SP3: variants seen among roughly 807,000 people sequenced by gnomAD.
SP3 encodes the protein Sp3 transcription factor.
SP3 carries 10 observed loss-of-function variants against 70.3 expected under a neutral mutation model. The ratio of observed to expected loss-of-function variants is 0.14; its 90% CI spans 0.09 to 0.24. SP3 has a LOEUF of 0.24. SP3 is among the 10% of genes least tolerant of loss of function. The probability of loss-of-function intolerance (pLI) is 1.00; values close to 1 mark genes in which losing one functional copy is unlikely to be tolerated. For synonymous variants in SP3, 402 were observed against 333.5 expected, an observed-to-expected ratio of 1.21 and a Z score of -2.24; for missense variants, 825 against 914.6, an observed-to-expected ratio of 0.90 and a Z score of 1.26.
intron 4 of SP3, among the ~76,000 whole-genome samples, chr2:173,929,889 T>C (rs956249968): frequency 3.9e-5 from 6 of 152,190 alleles, no homozygotes; most frequent in Non-Finnish European, 7.3e-5. Context: ...TGCCTCTCCC[T>C]GAAAAAATTA....
rs572197804 is a variant in SP3, at chr2:173,915,891, CAAAT to C, written c.1833-2629_1833-2626del. 2.8e-4 allele frequency: 43 copies of C among 151,990 alleles called. 1 individual carries two copies. The East Asian group carries it at 8.1e-3, about 29-fold the overall frequency. 9.4% of individuals were successfully genotyped at this position (151,990 alleles called of 1,614,324 possible). Reference sequence around the variant, plus strand: ...TTTACACCTTACTTTAAAAGGTAAACAAATAAAATTTACTTCTCTAAAGATGAAT... The same window carrying C: ...TTTACACCTTACTTTAAAAGGTAAACAAAATTTACTTCTCTAAAGATGAAT... On this transcript the variant is annotated intron_variant, in intron 5 of 6. Coordinates refer to ENST00000310015, the MANE Select transcript of SP3 (RefSeq NM_003111.5).
rs533352198 is a variant in SP3, at chr2:173,901,207, G to C, written c.*8734C>G. Among the ~76,000 whole-genome samples the C allele has an allele frequency of 1.3e-5, 2 of 151,888 alleles. No individual in the cohort carries two copies. The highest frequency in any genetic ancestry group is 2.4e-5 in the African/African-American group (1 of 41,450). On this transcript the variant is annotated 3_prime_UTR_variant, in exon 7 of 7. Coordinates refer to ENST00000310015, the MANE Select transcript of SP3 (RefSeq NM_003111.5). ...AGTGAATTAACAAGATAAATAGAAA[G>C]GCAAAATCATAAAATTTTTAGACAA...
chr2:173,942,144 G>A (rs1178568707), intron 4 of SP3, among the ~76,000 whole-genome samples: 1 of 152,168 alleles, frequency 6.6e-6, no homozygotes, highest in African/African-American at 2.4e-5. Flanking sequence ...ATCACTTTGG[G>A]ATTTTTACAA....
In SP3 at chr2:173,945,687, T is replaced by C. The variant is rs372269368; in HGVS notation, c.1639+9186A>G. ...TGTGAGGTGAAAGAGGTAAATAACATCTTAATATTATGAAAATAGCTTTGA... is the reference window on the plus strand; with the variant it reads ...TGTGAGGTGAAAGAGGTAAATAACACCTTAATATTATGAAAATAGCTTTGA... On this transcript the variant is annotated intron_variant, in intron 4 of 6. Transcript: ENST00000310015. 3.9e-5 allele frequency among the ~76,000 whole-genome samples: 6 copies of C among 152,232 alleles called. No homozygotes were observed. In the East Asian group the frequency reaches 1.2e-3, roughly 29 times the overall value.
intron 4 of SP3, among the ~76,000 whole-genome samples, chr2:173,952,753 C>T (rs1270494143): frequency 1.3e-5 from 2 of 152,168 alleles, no homozygotes; most frequent in African/African-American, 4.8e-5. Context: ...CATACCATGA[C>T]ACAGATGAAC....
chr2:173,906,571 A>G lies in SP3; in HGVS notation c.*3370T>C, dbSNP rs1482232314. 1 of 152,232 alleles carries G rather than the reference A, an allele frequency of 6.6e-6. No individual in the cohort carries two copies. Among genetic ancestry groups the G allele is most frequent in the Non-Finnish European group, 1.5e-5 (1 of 68,028 alleles). The allele number at this position is 152,232 out of a possible 1,614,324, so 9.4% of individuals were successfully genotyped here. ...CAAATTGTGTAACAGGTAGCATAAC[A>G]TGTCAGTTTATATTATTTTAAAACC... On this transcript the variant is annotated 3_prime_UTR_variant, in exon 7 of 7. Transcript: ENST00000310015.
chr2:173,924,503 CATAAG>C (rs1446561272), intron 4 of SP3, among the ~76,000 whole-genome samples: 7 of 152,200 alleles, frequency 4.6e-5, no homozygotes, highest in African/African-American at 1.7e-4. Context: ...TGGCTAAACA[CATAAG>C]ATAAGGATTT....
At chr2:173,935,803 G>A (rs1574411349) in intron 4 of SP3, among the ~76,000 whole-genome samples, 1 of 151,308 alleles carries the variant, frequency 6.6e-6, no homozygotes, top group Non-Finnish European at 1.5e-5. Context: ...TCATCTTGGA[G>A]TCCCCAGATC....
At chr2:173,956,284 C>A (rs1690891942) in intron 3 of SP3, 52 bp from the exon 4 acceptor site, 3 of 1,511,356 alleles carry the variant, frequency 2.0e-6, no homozygotes, top group South Asian at 1.3e-5. Context: ...TTAAATCAAC[C>A]CTCAAAAAAT....
intron 3 of SP3, among the ~76,000 whole-genome samples, chr2:173,959,990 C>T (rs893645465): frequency 4.6e-5 from 7 of 152,112 alleles, no homozygotes; most frequent in African/African-American, 7.2e-5. Context: ...GGCAACATGG[C>T]GAAGCCCCAT....
Position 173,933,638 on chromosome 2 carries a change from T to TCATATATATATA in SP3, c.1640-14854_1640-14853insTATATATATATG, listed in dbSNP as rs71405167. Among the ~76,000 whole-genome samples, 4 of 86,556 alleles carry TCATATATATATA rather than the reference T, an allele frequency of 4.6e-5. No homozygotes were observed. The East Asian group carries it at 9.7e-4, about 21-fold the overall frequency. The allele number at this position is 86,556 out of a possible 152,430, so 56.8% of individuals were successfully genotyped here. On this transcript the variant is annotated intron_variant, in intron 4 of 6. Transcript: ENST00000310015. ...ACAAATGACTAACATTTATAAAACT[T>TCATATATATATA]TATATATATATATATATATATATAT...
Position 173,945,135 on chromosome 2 carries a change from G to C in SP3, c.1639+9738C>G, listed in dbSNP as rs554300122. Among the ~76,000 whole-genome samples the C allele has an allele frequency of 5.0e-4, 76 of 152,172 alleles. No homozygotes were observed. The South Asian group carries it at 0.011, about 23-fold the overall frequency. ...GATGAAAGTATCATCCTTAAGGATG[G>C]GTCTCATGGAACTATGAACACTATT... is the stretch of plus-strand genomic sequence containing the variant. On this transcript the variant is annotated intron_variant, in intron 4 of 6. Transcript: ENST00000310015.
At chr2:173,958,961 G>GT (rs1320885355) in intron 3 of SP3, among the ~76,000 whole-genome samples, 2 of 152,128 alleles carry the variant, frequency 1.3e-5, no homozygotes, top group African/African-American at 4.8e-5. Flanking sequence ...CAAGATCATT[G>GT]TGAGTGCTAA....
intron 4 of SP3, among the ~76,000 whole-genome samples, chr2:173,946,767 T>C (rs1352233135): frequency 6.7e-6 from 1 of 148,862 alleles, no homozygotes; most frequent in Non-Finnish European, 1.5e-5. Flanking sequence ...CTGTCACCAG[T>C]GTGGAGTGCA....
At chr2:173,951,934 T>C (rs1690721027) in intron 4 of SP3, among the ~76,000 whole-genome samples, 1 of 152,130 alleles carries the variant, frequency 6.6e-6, no homozygotes, top group African/African-American at 2.4e-5. Context: ...TCAAAAAAGC[T>C]TTGTTAGTAT....
chr2:173,963,919 G>A, intron 2 of SP3, 36 bp from the exon 3 acceptor site: 1 of 1,405,152 alleles, frequency 7.1e-7, no homozygotes, highest in Non-Finnish European at 9.4e-7. Flanking sequence ...AGGGAGACAG[G>A]GGGAGGGGGT....
chr2:173,963,898 C>T lies in SP3; in HGVS notation c.157-15G>A. The T allele has an allele frequency of 1.4e-6, 2 of 1,469,464 alleles. No individual in the cohort carries two copies. Among genetic ancestry groups the T allele is most frequent in the Non-Finnish European group, 1.8e-6 (2 of 1,103,308 alleles). 91.0% of individuals were successfully genotyped at this position (1,469,464 alleles called of 1,614,324 possible). On this transcript the variant is annotated splice_polypyrimidine_tract_variant and intron_variant, in intron 2 of 6. Coordinates refer to ENST00000310015, the MANE Select transcript of SP3 (RefSeq NM_003111.5). Reference sequence around the variant, plus strand: ...GGCTGAGTGTCCTACCCCCAATGGGCGGGTTCAGAGAGGGAGACAGGGGGA... The same window carrying T: ...GGCTGAGTGTCCTACCCCCAATGGGTGGGTTCAGAGAGGGAGACAGGGGGA...
chr2:173,949,101 T>C (rs1472789512), intron 4 of SP3, among the ~76,000 whole-genome samples: 1 of 152,178 alleles, frequency 6.6e-6, no homozygotes, highest in Non-Finnish European at 1.5e-5. Flanking sequence ...ATCATAGTCA[T>C]CACATTTTGT....
chr2:173,962,857 A>C (rs1274689909), intron 3 of SP3: 1 of 152,232 alleles, frequency 6.6e-6, no homozygotes, highest in Non-Finnish European at 1.5e-5. Context: ...TTCACAATTA[A>C]CAGTCTAAAA....
Sources: allele counts gnomAD v4.1 joint callset (sites outside exome capture counted in the v4.1 genomes callset), GRCh38; gene constraint gnomAD v4.1.1; transcripts MANE v1.5; gene names NCBI Gene and HGNC (gene_info 2026-07-23, HGNC 2026-07-21).